Variants in MACROD2 observed in about 807,000 individuals in gnomAD.
MACROD2 encodes ADP-ribose glycohydrolase MACROD2.
In MACROD2, 36 loss-of-function variants were observed where a neutral mutation model predicts 70.4. That is an observed-to-expected ratio of 0.51 (90% CI 0.39 to 0.68). MACROD2 has a LOEUF of 0.68. Among genes scored for constraint, MACROD2 ranks in the 30% least tolerant of loss-of-function variants. The pLI, the probability that MACROD2 is intolerant of heterozygous loss-of-function variation, is 0.00. For synonymous variants in MACROD2, 172 were observed against 178.8 expected (o/e 0.96, Z 0.30); for missense variants, 496 against 538.4 (o/e 0.92, Z 0.78).
chr20:14,955,564 A>G (rs1433285435), intron 5 of MACROD2, among the ~76,000 whole-genome samples: 1 of 152,042 alleles, frequency 6.6e-6, no homozygotes, highest in African/African-American at 2.4e-5. Flanking sequence ...GTGGCCAAGA[A>G]GCATTTCTGA....
At chr20:14,785,769 A>G (rs1429643329) in intron 5 of MACROD2, among the ~76,000 whole-genome samples, 5 of 152,102 alleles carry the variant, frequency 3.3e-5, no homozygotes, top group African/African-American at 1.2e-4. Context: ...ATCCATGATC[A>G]TTAGGGACCT....
intron 4 of MACROD2, among the ~76,000 whole-genome samples, chr20:14,675,051 G>A (rs1193124238): frequency 6.6e-6 from 1 of 152,024 alleles, no homozygotes; most frequent in African/African-American, 2.4e-5. Context: ...AAGACAAGAA[G>A]GAGACAAAGA....
At chr20:14,644,852 C>T (rs1489366756) in intron 4 of MACROD2, among the ~76,000 whole-genome samples, 1 of 151,852 alleles carries the variant, frequency 6.6e-6, no homozygotes, top group Non-Finnish European at 1.5e-5. Flanking sequence ...GAGTGGGTAA[C>T]CAAAAGCAAA....
At chr20:15,387,745 T>TC (rs1470193726) in intron 6 of MACROD2, among the ~76,000 whole-genome samples, 5 of 150,798 alleles carry the variant, frequency 3.3e-5, no homozygotes, top group African/African-American at 9.7e-5. Flanking sequence ...GGGATTTTTT[T>TC]TTTTTTTTTT....
chr20:15,862,239 C>G (rs1316628605), intron 8 of MACROD2, among the ~76,000 whole-genome samples: 4 of 152,190 alleles, frequency 2.6e-5, no homozygotes, highest in African/African-American at 9.6e-5. Context: ...TAAATTAAAG[C>G]AAGTGGCTTC....
chr20:15,928,823 C>G (rs2065529761), intron 10 of MACROD2, among the ~76,000 whole-genome samples: 1 of 152,148 alleles, frequency 6.6e-6, no homozygotes, highest in Non-Finnish European at 1.5e-5. Flanking sequence ...GAGCATTCCT[C>G]TGTTATATCA....
At position 14,720,536 on chromosome 20, in the gene MACROD2, C is replaced by CTTTTTTTTTTTTTTTTTTTTTTTTT. The variant is rs753673265; in HGVS notation, c.418+35587_418+35611dup. Among the ~76,000 whole-genome samples, 8 of 35,926 alleles carry CTTTTTTTTTTTTTTTTTTTTTTTTT rather than the reference C, an allele frequency of 2.2e-4. 2 individuals are homozygous for CTTTTTTTTTTTTTTTTTTTTTTTTT. The highest frequency in any genetic ancestry group is 5.2e-4 in the Admixed American group (1 of 1,938). 23.6% of individuals were successfully genotyped at this position (35,926 alleles called of 152,430 possible). A position where few individuals can be genotyped will look rare whatever the true frequency, so the allele number is the denominator to read the frequency against. On this transcript the variant is annotated intron_variant, in intron 5 of 17. Coordinates refer to ENST00000684519, the MANE Select transcript of MACROD2 (RefSeq NM_001351661.2). ...GTTTCATTTCCCAGCTGCCCCACAA[C>CTTTTTTTTTTTTTTTTTTTTTTTTT]TTTTTTTTTTTTTTTTTTTTTTTTT...
In MACROD2 at chr20:14,682,801, TA is replaced by T. The variant is rs549209480; in HGVS notation, c.302-2037del. 1.8e-3 allele frequency among the ~76,000 whole-genome samples: 268 copies of T among 152,350 alleles called. 1 individual carries two copies. Among genetic ancestry groups the T allele is most frequent in the African/African-American group, 6.1e-3 (252 of 41,588 alleles). On this transcript the variant is annotated intron_variant, in intron 4 of 17. Transcript: ENST00000684519. Reference sequence around the variant, plus strand: ...TGTTAATAATTTCATGTAATAAATTTAAAAAGTAAAAATGCTAATTGAAAGA... The same window carrying T: ...TGTTAATAATTTCATGTAATAAATTTAAAAGTAAAAATGCTAATTGAAAGA...
chr20:15,319,732 A>G (rs903184716), intron 6 of MACROD2, among the ~76,000 whole-genome samples: 2 of 152,218 alleles, frequency 1.3e-5, no homozygotes, highest in African/African-American at 2.4e-5. Context: ...AAATGCATGA[A>G]TGGAGAAATT....
intron 3 of MACROD2, among the ~76,000 whole-genome samples, chr20:14,264,726 A>T (rs1394181890): frequency 2.0e-5 from 3 of 152,184 alleles, no homozygotes; most frequent in Non-Finnish European, 4.4e-5. Flanking sequence ...CCTTATGAGA[A>T]GGCCAGGATC....
At chr20:16,030,844 A>T (rs754278111) in intron 15 of MACROD2, among the ~76,000 whole-genome samples, 9 of 152,204 alleles carry the variant, frequency 5.9e-5, no homozygotes, top group Admixed American at 6.5e-5. Context: ...AAGTCAATGT[A>T]TAGAACAGAA....
chr20:15,640,939 T>G (rs1335701039), intron 8 of MACROD2, among the ~76,000 whole-genome samples: 2 of 152,218 alleles, frequency 1.3e-5, no homozygotes, highest in African/African-American at 2.4e-5. Flanking sequence ...TATTGGAAGC[T>G]TTCCTTTAAA....
At chr20:14,194,465 A>G (rs1034398139) in intron 3 of MACROD2, among the ~76,000 whole-genome samples, 1 of 152,146 alleles carries the variant, frequency 6.6e-6, no homozygotes, top group Non-Finnish European at 1.5e-5. Flanking sequence ...ATAGGGGATA[A>G]TTGCTCTCAC....
At chr20:15,061,067 G>A (rs2075528689) in intron 5 of MACROD2, among the ~76,000 whole-genome samples, 1 of 152,136 alleles carries the variant, frequency 6.6e-6, no homozygotes, top group Non-Finnish European at 1.5e-5. Flanking sequence ...GCTGATGAGG[G>A]GGGACAGAAT....
rs1199501855 is a variant in MACROD2, at chr20:14,292,475, G to A, written c.272-201004G>A. On this transcript the variant is annotated intron_variant, in intron 3 of 17. Transcript: ENST00000684519. ...GTAGTGCTAAGGTTGAGAAACCCTGGGTAAAGGGAGTCTGAGTAGGACATC... is the reference window on the plus strand; with the variant it reads ...GTAGTGCTAAGGTTGAGAAACCCTGAGTAAAGGGAGTCTGAGTAGGACATC... 2.0e-5 allele frequency among the ~76,000 whole-genome samples: 3 copies of A among 151,818 alleles called. No individual in the cohort carries two copies. The East Asian group carries it at 5.8e-4, about 29-fold the overall frequency.
rs1253549133 is a variant in MACROD2, at chr20:14,616,574, G to T, written c.302-68269G>T. On this transcript the variant is annotated intron_variant, in intron 4 of 17. Coordinates refer to ENST00000684519, the MANE Select transcript of MACROD2 (RefSeq NM_001351661.2). ...TAATTTTGAGGGCCAGTATTTTCAG[G>T]ATTTGAACAAAGTGGAAAATTAAGT... Among the ~76,000 whole-genome samples the T allele has an allele frequency of 2.0e-5, 3 of 152,114 alleles. No individual in the cohort carries two copies. In the East Asian group the frequency reaches 5.8e-4, roughly 29 times the overall value.
intron 3 of MACROD2, among the ~76,000 whole-genome samples, chr20:14,222,546 G>C (rs1167742015): frequency 6.6e-6 from 1 of 152,000 alleles, no homozygotes; most frequent in East Asian, 1.9e-4. Flanking sequence ...CATTATTTGG[G>C]TGATGGATAC....
At chr20:15,924,592 C>A (rs949450498) in intron 10 of MACROD2, among the ~76,000 whole-genome samples, 1 of 152,154 alleles carries the variant, frequency 6.6e-6, no homozygotes, top group Non-Finnish European at 1.5e-5. Context: ...CATTCCTCTC[C>A]CTTCTGTCAA....
intron 15 of MACROD2, among the ~76,000 whole-genome samples, chr20:15,997,389 TAC>T (rs1244344344): frequency 6.6e-6 from 1 of 152,168 alleles, no homozygotes; most frequent in South Asian, 2.1e-4. Context: ...ATCAATATTT[TAC>T]AGTTTTCAGT....
Sources: gnomAD v4.1 joint callset for allele counts (sites outside exome capture counted in the v4.1 genomes callset) on GRCh38, gnomAD v4.1.1 for gene constraint, MANE v1.5 for transcripts, NCBI Gene and HGNC (gene_info 2026-07-23, HGNC 2026-07-21) for gene names.